PSMA8: variants seen among roughly 807,000 people sequenced by gnomAD.
The protein encoded by PSMA8 is proteasome 20S subunit alpha 8, also known as proteasome subunit alpha-type 8.
Under a neutral mutation model 32.4 loss-of-function variants are expected in PSMA8, and 18 were observed. That is an observed-to-expected ratio of 0.56 (90% CI 0.38 to 0.82). The LOEUF (loss-of-function observed/expected upper bound fraction) is 0.82. PSMA8 is among the 40% of genes least tolerant of loss of function. The pLI is 0.00. For synonymous variants in PSMA8, 104 were observed against 98.1 expected, an observed-to-expected ratio of 1.06 and a Z score of -0.36; for missense variants, 298 against 300.7, an observed-to-expected ratio of 0.99 and a Z score of 0.07.
intron 4 of PSMA8, chr18:26,171,114 C>G: frequency 6.4e-7 from 1 of 1,559,352 alleles, no homozygotes; most frequent in Non-Finnish European, 8.5e-7. Flanking sequence ...AATGGAGAAC[C>G]AGGTCTTCTT....
chr18:26,142,084 G>C (rs1020930127), intron 1 of PSMA8, among the ~76,000 whole-genome samples: 17 of 143,634 alleles, frequency 1.2e-4, no homozygotes, highest in Non-Finnish European at 1.2e-4. Context: ...CTGTCGCCTG[G>C]GCTGGAGTGC....
At chr18:26,171,432 T>A (rs1225178519) in intron 4 of PSMA8, 15 of 981,714 alleles carry the variant, frequency 1.5e-5, no homozygotes, top group Non-Finnish European at 2.0e-5. Flanking sequence ...ATTAAATTTT[T>A]AAAAAATTTT....
intron 1 of PSMA8, among the ~76,000 whole-genome samples, chr18:26,135,562 T>G (rs1376265603): frequency 6.6e-6 from 1 of 152,162 alleles, no homozygotes; most frequent in African/African-American, 2.4e-5. Context: ...GAATTATAAA[T>G]TTAAGGAAAG....
intron 6 of PSMA8, among the ~76,000 whole-genome samples, chr18:26,187,664 A>G (rs938235836): frequency 3.3e-5 from 5 of 152,190 alleles, no homozygotes; most frequent in African/African-American, 1.2e-4. Context: ...ATTTCAAGGC[A>G]AAAACTATAA....
intron 1 of PSMA8, among the ~76,000 whole-genome samples, chr18:26,142,914 G>T (rs1048584800): frequency 2.0e-5 from 3 of 152,038 alleles, no homozygotes; most frequent in African/African-American, 7.2e-5. Flanking sequence ...AATTTGGGGG[G>T]AATATAAATA....
rs1322637410 is a variant in PSMA8 at position 26,193,111 on chromosome 18, C to A, written c.*700C>A. 1 of 152,086 alleles carries A rather than the reference C, an allele frequency of 6.6e-6. No individual in the cohort carries two copies. The highest frequency in any genetic ancestry group is 6.5e-5 in the Admixed American group (1 of 15,268). The allele number at this position is 152,086 out of a possible 1,614,324, so 9.4% of individuals were successfully genotyped here. A position where few individuals can be genotyped will look rare whatever the true frequency, so the allele number is the denominator to read the frequency against. ...TAAGGAAAGAAATTAATACATATCACTTTTAGTTTAGATTTTTATTTTATC... is the reference window on the plus strand; with the variant it reads ...TAAGGAAAGAAATTAATACATATCAATTTTAGTTTAGATTTTTATTTTATC... On this transcript the variant is annotated 3_prime_UTR_variant, in exon 7 of 7. Transcript: ENST00000415576.
intron 2 of PSMA8, among the ~76,000 whole-genome samples, chr18:26,146,379 T>A (rs2055003509): frequency 6.6e-6 from 1 of 152,168 alleles, no homozygotes; most frequent in African/African-American, 2.4e-5. Context: ...AATAAAAAAA[T>A]TAAAACCTCA....
intron 1 of PSMA8, among the ~76,000 whole-genome samples, chr18:26,141,911 C>G (rs966160008): frequency 2.0e-5 from 3 of 151,690 alleles, no homozygotes; most frequent in Non-Finnish European, 4.4e-5. Flanking sequence ...GTCTGAAACT[C>G]TTGGAATCAA....
chr18:26,167,408 T>C (rs755333026), intron 4 of PSMA8, among the ~76,000 whole-genome samples: 14 of 152,228 alleles, frequency 9.2e-5, no homozygotes, highest in Non-Finnish European at 1.5e-4. Flanking sequence ...AGTATATTTG[T>C]ACCACTCTTC....
intron 6 of PSMA8, among the ~76,000 whole-genome samples, chr18:26,191,990 A>G (rs1017135270): frequency 6.6e-6 from 1 of 152,230 alleles, no homozygotes; most frequent in African/African-American, 2.4e-5. Context: ...GGAGAGTTAA[A>G]TAATGAGTCT....
intron 3 of PSMA8, among the ~76,000 whole-genome samples, chr18:26,155,327 A>G (rs1259365202): frequency 6.6e-6 from 1 of 152,238 alleles, no homozygotes; most frequent in Non-Finnish European, 1.5e-5. Context: ...GGTGTGAACT[A>G]GGACATTAGG....
At chr18:26,190,522 G>A (rs1304734546) in intron 6 of PSMA8, among the ~76,000 whole-genome samples, 1 of 152,214 alleles carries the variant, frequency 6.6e-6, no homozygotes, top group Non-Finnish European at 1.5e-5. Flanking sequence ...GCCGAGACAG[G>A]CAAATCGATT....
intron 4 of PSMA8, among the ~76,000 whole-genome samples, chr18:26,165,675 T>C (rs1568063624): frequency 1.4e-5 from 2 of 146,712 alleles, no homozygotes; most frequent in African/African-American, 5.0e-5. Context: ...ATAGCAGTGA[T>C]AAAAAAAAAA....
chr18:26,164,343 A>G (rs1231839745), intron 4 of PSMA8, among the ~76,000 whole-genome samples: 2 of 152,240 alleles, frequency 1.3e-5, no homozygotes, highest in African/African-American at 4.8e-5. Context: ...AAGGGGTGCC[A>G]AAACCATCAA....
intron 4 of PSMA8, among the ~76,000 whole-genome samples, chr18:26,163,394 C>T (rs1368837462): frequency 6.6e-6 from 1 of 151,680 alleles, no homozygotes; most frequent in Non-Finnish European, 1.5e-5. Flanking sequence ...AGCAAGCCAG[C>T]CAGTTATTTG....
chr18:26,162,465 G>T (rs975970827), intron 4 of PSMA8, among the ~76,000 whole-genome samples: 2 of 151,928 alleles, frequency 1.3e-5, no homozygotes, highest in Non-Finnish European at 2.9e-5. Context: ...GGAGTAACAG[G>T]TTCTGGCATT....
chr18:26,192,589 T>C lies in PSMA8; in HGVS notation c.*178T>C. On this transcript the variant is annotated 3_prime_UTR_variant, in exon 7 of 7. Transcript: ENST00000415576. ...ATTCTATTACATAGTCAAACATAGG[T>C]TTATGTGAAGATTTTCTTTGAAAGG... 1.7e-6 allele frequency: 1 copy of C among 603,370 alleles called. No individual in the cohort carries two copies. The highest frequency in any genetic ancestry group is 2.4e-6 in the Non-Finnish European group (1 of 419,350). 37.4% of individuals were successfully genotyped at this position (603,370 alleles called of 1,614,324 possible).
At position 26,133,886 on chromosome 18, in the gene PSMA8, C is replaced by G; in HGVS notation, c.-80C>G. Reference sequence around the variant, plus strand: ...GTGGAAGCGCTTCCGGGCGGTAGCACGCTGTGTTGGCGGCGGCTCCCCGCT... The same window carrying G: ...GTGGAAGCGCTTCCGGGCGGTAGCAGGCTGTGTTGGCGGCGGCTCCCCGCT... On this transcript the variant is annotated 5_prime_UTR_variant, in exon 1 of 7. Transcript: ENST00000415576. 8.1e-7 allele frequency: 1 copy of G among 1,241,902 alleles called. No individual in the cohort carries two copies. The highest frequency in any genetic ancestry group is 1.2e-6 in the Non-Finnish European group (1 of 851,028). The allele number at this position is 1,241,902 out of a possible 1,614,324, so 76.9% of individuals were successfully genotyped here.
chr18:26,148,694 G>C (rs2055022734), intron 2 of PSMA8, among the ~76,000 whole-genome samples: 1 of 151,964 alleles, frequency 6.6e-6, no homozygotes, highest in Non-Finnish European at 1.5e-5. Context: ...AATAAATAAA[G>C]GTATCCAAAT....
Sources: gnomAD v4.1 joint callset for allele counts (sites outside exome capture counted in the v4.1 genomes callset) on GRCh38, gnomAD v4.1.1 for gene constraint, MANE v1.5 for transcripts, NCBI Gene and HGNC (gene_info 2026-07-23, HGNC 2026-07-21) for gene names.